Variants in SGCZ observed in about 807,000 individuals in gnomAD.
SGCZ encodes sarcoglycan zeta, also known as zeta-sarcoglycan.
In SGCZ, 40 loss-of-function variants were observed where a neutral mutation model predicts 41.3. That is an observed-to-expected ratio of 0.97 (90% confidence interval 0.75 to 1.26). SGCZ has a LOEUF of 1.26. Ranked by LOEUF, SGCZ falls within the 50% of genes most tolerant of loss-of-function variation. The probability of loss-of-function intolerance (pLI) is 0.00; values close to 1 mark genes in which losing one functional copy is unlikely to be tolerated. For missense variants in SGCZ, 552 were observed against 369.8 expected (o/e 1.49, Z -4.04); for synonymous variants, 206 against 137.5 (o/e 1.50, Z -3.49).
At chr8:15,060,448 T>A (rs1478348360) in intron 1 of SGCZ, among the ~76,000 whole-genome samples, 3 of 136,656 alleles carry the variant, frequency 2.2e-5, no homozygotes, top group Middle Eastern at 4.5e-3. Context: ...ACGTTCTCAC[T>A]CATAGGTGGG....
chr8:15,169,907 G>C (rs1040233151), intron 1 of SGCZ, among the ~76,000 whole-genome samples: 2 of 152,174 alleles, frequency 1.3e-5, no homozygotes, highest in Non-Finnish European at 2.9e-5. Flanking sequence ...AAGTATCTTA[G>C]TTGGCATTAA....
intron 4 of SGCZ, among the ~76,000 whole-genome samples, chr8:14,217,499 A>T (rs1157144292): frequency 6.6e-6 from 1 of 151,956 alleles, no homozygotes; most frequent in African/African-American, 2.4e-5. Flanking sequence ...TTGCACACTT[A>T]TATGGCACTT....
chr8:15,097,434 A>C (rs1806389156), intron 1 of SGCZ, among the ~76,000 whole-genome samples: 1 of 151,866 alleles, frequency 6.6e-6, no homozygotes, highest in African/African-American at 2.4e-5. Context: ...TAAAACATTT[A>C]TTGCTGAGTG....
chr8:15,009,048 A>G (rs1446295688), intron 1 of SGCZ, among the ~76,000 whole-genome samples: 1 of 152,126 alleles, frequency 6.6e-6, no homozygotes, highest in South Asian at 2.1e-4. Flanking sequence ...CCTGTAAATG[A>G]AATTAGTAAA....
At chr8:14,194,825 A>C (rs561404165) in intron 4 of SGCZ, among the ~76,000 whole-genome samples, 84 of 151,950 alleles carry the variant, frequency 5.5e-4, no homozygotes, top group Non-Finnish European at 9.4e-4. Flanking sequence ...AGATTTGAAC[A>C]AAGCAAAAGC....
chr8:15,125,719 T>A (rs1325063323), intron 1 of SGCZ, among the ~76,000 whole-genome samples: 1 of 152,206 alleles, frequency 6.6e-6, no homozygotes, highest in East Asian at 1.9e-4. Context: ...AAATGACTGT[T>A]CATTACCATG....
chr8:14,785,587 G>C (rs1428355851), intron 1 of SGCZ, among the ~76,000 whole-genome samples: 1 of 152,092 alleles, frequency 6.6e-6, no homozygotes, highest in African/African-American at 2.4e-5. Flanking sequence ...CCCATGTCCT[G>C]ACCCCAGCAT....
chr8:14,140,290 A>G (rs1803328579), intron 5 of SGCZ, among the ~76,000 whole-genome samples: 1 of 152,158 alleles, frequency 6.6e-6, no homozygotes, highest in Non-Finnish European at 1.5e-5. Flanking sequence ...CACCACTCAT[A>G]TTCAACATAC....
chr8:14,616,144 G>T (rs111310786), intron 1 of SGCZ, among the ~76,000 whole-genome samples: 4 of 151,994 alleles, frequency 2.6e-5, no homozygotes, highest in Non-Finnish European at 5.9e-5. Context: ...TTAGCCGGGC[G>T]TGGGAGCGGG....
At position 14,686,538 on chromosome 8, in the gene SGCZ, G is replaced by A. The variant is rs527250741; in HGVS notation, c.40-131612C>T. On this transcript the variant is annotated intron_variant, in intron 1 of 7. Transcript: ENST00000382080. ...GTCACTAAGGCATATAGATTTAAAAGCATATTATGGGAGGAGGATAGAGAT... is the reference window on the plus strand; with the variant it reads ...GTCACTAAGGCATATAGATTTAAAAACATATTATGGGAGGAGGATAGAGAT... Among the ~76,000 whole-genome samples, 8 of 152,106 alleles carry A rather than the reference G, an allele frequency of 5.3e-5. No homozygotes were observed. In the East Asian group the frequency reaches 7.7e-4, roughly 15 times the overall value.
At chr8:14,648,587 T>C (rs985946069) in intron 1 of SGCZ, among the ~76,000 whole-genome samples, 2 of 152,122 alleles carry the variant, frequency 1.3e-5, no homozygotes, top group African/African-American at 2.4e-5. Flanking sequence ...GAAATGTTTG[T>C]CAAAGAAAAG....
chr8:14,904,137 T>A (rs1799053572), intron 1 of SGCZ, among the ~76,000 whole-genome samples: 1 of 152,072 alleles, frequency 6.6e-6, no homozygotes, highest in African/African-American at 2.4e-5. Flanking sequence ...GAAATATGTT[T>A]ATCTTAAAAT....
chr8:14,578,451 G>T lies in SGCZ; in HGVS notation c.40-23525C>A, dbSNP rs116206295. Among the ~76,000 whole-genome samples the T allele has an allele frequency of 2.0e-3, 304 of 152,212 alleles. 1 individual carries two copies. Among genetic ancestry groups the T allele is most frequent in the African/African-American group, 5.3e-3 (222 of 41,538 alleles). On this transcript the variant is annotated intron_variant, in intron 1 of 7. Coordinates refer to ENST00000382080, the MANE Select transcript of SGCZ (RefSeq NM_139167.4). Reference sequence around the variant, plus strand: ...GGTTTGGTTCATGGCTGCAATGTAGGCTCACATTTTCTGTGACCACATGAC... The same window carrying T: ...GGTTTGGTTCATGGCTGCAATGTAGTCTCACATTTTCTGTGACCACATGAC...
chr8:15,236,113 C>T (rs888953783), intron 1 of SGCZ, among the ~76,000 whole-genome samples: 4 of 152,190 alleles, frequency 2.6e-5, no homozygotes, highest in African/African-American at 9.7e-5. Context: ...CCCTACTTCC[C>T]TTTGCCCAGG....
At chr8:14,296,604 G>T (rs947273355) in intron 3 of SGCZ, among the ~76,000 whole-genome samples, 7 of 151,996 alleles carry the variant, frequency 4.6e-5, no homozygotes, top group African/African-American at 1.7e-4. Flanking sequence ...CTATACTATT[G>T]GAAGGTTCGT....
At chr8:14,840,291 AT>A (rs984431983) in intron 1 of SGCZ, among the ~76,000 whole-genome samples, 13 of 152,144 alleles carry the variant, frequency 8.5e-5, no homozygotes, top group African/African-American at 3.1e-4. Context: ...TATTAGAACA[AT>A]ATTAAAATTC....
At chr8:14,512,231 T>G (rs1273119773) in intron 2 of SGCZ, among the ~76,000 whole-genome samples, 5 of 152,138 alleles carry the variant, frequency 3.3e-5, no homozygotes. Flanking sequence ...GACGCTGAAG[T>G]GCCTATTAAC....
rs181209908 is a variant in SGCZ, at chr8:14,542,368, T to C, written c.234+12364A>G. On this transcript the variant is annotated intron_variant, in intron 2 of 7. Coordinates refer to ENST00000382080, the MANE Select transcript of SGCZ (RefSeq NM_139167.4). ...GGAGAAAAGGGCACTATCAACAAAATTGCAGAATTATGGAATAAAGAAGAA... is the reference window on the plus strand; with the variant it reads ...GGAGAAAAGGGCACTATCAACAAAACTGCAGAATTATGGAATAAAGAAGAA... 1.2e-3 allele frequency among the ~76,000 whole-genome samples: 189 copies of C among 152,208 alleles called. 1 individual carries two copies. The highest frequency in any genetic ancestry group is 2.2e-3 in the Non-Finnish European group (148 of 67,986).
chr8:14,543,106 C>T lies in SGCZ; in HGVS notation c.234+11626G>A, dbSNP rs536501199. On this transcript the variant is annotated intron_variant, in intron 2 of 7. Coordinates refer to ENST00000382080, the MANE Select transcript of SGCZ (RefSeq NM_139167.4). The stretch of plus-strand genomic sequence containing the variant: ...ATATTTTATTTAGGAACATTGGCAC[C>T]ATTATATGTAATATAACATAATTAT... Among the ~76,000 whole-genome samples, 37 of 151,820 alleles carry T rather than the reference C, an allele frequency of 2.4e-4. No homozygotes were observed. In the South Asian group the frequency reaches 4.0e-3, roughly 16 times the overall value.
Sources: gnomAD v4.1 joint callset for allele counts (sites outside exome capture counted in the v4.1 genomes callset) on GRCh38, gnomAD v4.1.1 for gene constraint, MANE v1.5 for transcripts, NCBI Gene and HGNC (gene_info 2026-07-23, HGNC 2026-07-21) for gene names.